Variants in MAP7 observed in about 807,000 individuals in gnomAD.
MAP7 encodes the protein ensconsin.
A neutral mutation model predicts 94.8 loss-of-function variants in MAP7; 52 were observed. The observed-to-expected ratio is 0.55, with a 90% CI of 0.44 to 0.69. The LOEUF is 0.69. Ranked by LOEUF, MAP7 falls within the 30% of genes least tolerant of loss-of-function variation. The pLI is 0.00. For missense variants in MAP7, 940 were observed against 964.6 expected (o/e 0.97, Z 0.34); for synonymous variants, 350 against 357.0 (o/e 0.98, Z 0.22).
At chr6:136,470,218 A>G (rs907432719) in intron 1 of MAP7, among the ~76,000 whole-genome samples, 1 of 151,766 alleles carries the variant, frequency 6.6e-6, no homozygotes, top group African/African-American at 2.4e-5. Context: ...ACTTTTGGCT[A>G]CTAAGAGAGA....
At chr6:136,418,497 G>A (rs538613678) in intron 2 of MAP7, among the ~76,000 whole-genome samples, 2 of 152,208 alleles carry the variant, frequency 1.3e-5, no homozygotes, top group Admixed American at 6.5e-5. Context: ...TTACAGGCGT[G>A]AGCCACCGGC....
intron 1 of MAP7, among the ~76,000 whole-genome samples, chr6:136,432,908 T>G (rs1477092809): frequency 6.6e-6 from 1 of 152,154 alleles, no homozygotes; most frequent in Non-Finnish European, 1.5e-5. Context: ...GGAAGTGTTT[T>G]TATTTATTTA....
intron 1 of MAP7, among the ~76,000 whole-genome samples, chr6:136,449,949 G>C (rs1800583200): frequency 6.6e-6 from 1 of 152,170 alleles, no homozygotes; most frequent in African/African-American, 2.4e-5. Context: ...AGCACTTTGG[G>C]AGGCCAAAGC....
chr6:136,536,018 T>C (rs971436561), intron 1 of MAP7, among the ~76,000 whole-genome samples: 2 of 152,190 alleles, frequency 1.3e-5, no homozygotes, highest in East Asian at 1.9e-4. Context: ...GTCCTGGCGA[T>C]AGTTTGTTGA....
intron 9 of MAP7, 60 bp from the exon 10 acceptor site, chr6:136,366,078 C>G: frequency 3.9e-6 from 6 of 1,520,160 alleles, no homozygotes; most frequent in Non-Finnish European, 4.4e-6. Context: ...CTTGCCAGAA[C>G]CTAGAACACG....
At chr6:136,410,551 A>T (rs1787119200) in intron 3 of MAP7, among the ~76,000 whole-genome samples, 1 of 152,216 alleles carries the variant, frequency 6.6e-6, no homozygotes, top group South Asian at 2.1e-4. Context: ...GCACAGAAAA[A>T]CAGCAGAGCA....
chr6:136,545,313 T>G (rs1397221731), intron 1 of MAP7: 2 of 137,918 alleles, frequency 1.5e-5, no homozygotes, highest in Admixed American at 1.5e-4. Context: ...CCCAAAGCAG[T>G]AAAAGAAAAA....
chr6:136,400,465 C>T (rs1158787598), intron 3 of MAP7, among the ~76,000 whole-genome samples: 2 of 150,150 alleles, frequency 1.3e-5, no homozygotes, highest in Admixed American at 1.3e-4. Context: ...TAAAAAAAGC[C>T]AGATGGACTA....
chr6:136,437,919 A>C (rs1295292353), intron 1 of MAP7, among the ~76,000 whole-genome samples: 1 of 152,204 alleles, frequency 6.6e-6, no homozygotes, highest in African/African-American at 2.4e-5. Flanking sequence ...TGACTACCTA[A>C]ATTCATGCTT....
chr6:136,442,405 C>CAA (rs549791806), intron 1 of MAP7, among the ~76,000 whole-genome samples: 14 of 90,626 alleles, frequency 1.5e-4, no homozygotes, highest in African/African-American at 3.4e-4. Context: ...ACTCTGTCTC[C>CAA]AAAAAAAAAA....
intron 1 of MAP7, among the ~76,000 whole-genome samples, chr6:136,520,512 T>C (rs1461084339): frequency 6.6e-6 from 1 of 152,202 alleles, no homozygotes; most frequent in African/African-American, 2.4e-5. Flanking sequence ...GAGTGAGTCC[T>C]GGCCCTTACA....
intron 1 of MAP7, among the ~76,000 whole-genome samples, chr6:136,546,214 C>T (rs1482555142): frequency 6.6e-6 from 1 of 151,836 alleles, no homozygotes; most frequent in African/African-American, 2.4e-5. Context: ...GGTTTTACCA[C>T]GTAACCCAGG....
chr6:136,391,580 A>AACC (rs1226969180), intron 3 of MAP7, among the ~76,000 whole-genome samples: 1 of 151,606 alleles, frequency 6.6e-6, no homozygotes, highest in Non-Finnish European at 1.5e-5. Context: ...CAACAACAAC[A>AACC]ACAACCAAAC....
At chr6:136,405,312 AG>A (rs1785259440) in intron 3 of MAP7, among the ~76,000 whole-genome samples, 1 of 152,250 alleles carries the variant, frequency 6.6e-6, no homozygotes, top group Admixed American at 6.5e-5. Context: ...AGATGTTGAC[AG>A]AGCTAGGGAG....
At position 136,431,804 on chromosome 6, in the gene MAP7, C is replaced by T. The variant is rs975662170; in HGVS notation, c.68-10005G>A. Among the ~76,000 whole-genome samples the T allele has an allele frequency of 3.0e-4, 45 of 152,200 alleles. 1 individual carries two copies. Among genetic ancestry groups the T allele is most frequent in the African/African-American group, 9.9e-4 (41 of 41,454 alleles). On this transcript the variant is annotated intron_variant, in intron 1 of 17. Coordinates refer to ENST00000354570, the MANE Select transcript of MAP7 (RefSeq NM_003980.6). ...GAGTGATGGGATTACAGGCGTGAGC[C>T]ACTGTGCCCGGCCTTGATGCTTCTT...
rs916805339 is a variant in MAP7, at chr6:136,550,235, G to A, written c.67+107C>T. 1.9e-5 allele frequency: 19 copies of A among 996,786 alleles called. No homozygotes were observed. The African/African-American group carries it at 3.3e-4, about 17-fold the overall frequency. The allele number at this position is 996,786 out of a possible 1,614,324, so 61.7% of individuals were successfully genotyped here. ...CGGTTGTTCCGGGCCGCGGCCGCGC[G>A]GGCGGGGAGGGGGCTGCCGGCGCCG... On this transcript the variant is annotated intron_variant, in intron 1 of 17. Coordinates refer to ENST00000354570, the MANE Select transcript of MAP7 (RefSeq NM_003980.6). The surrounding 1 kb of genome is among the most constrained non-coding windows in gnomAD (Gnocchi z 5.1).
intron 2 of MAP7, among the ~76,000 whole-genome samples, chr6:136,416,130 G>A (rs1264200485): frequency 6.6e-6 from 1 of 152,218 alleles, no homozygotes; most frequent in Admixed American, 6.5e-5. Context: ...CTTCCCTGCT[G>A]CATTCTCAAT....
chr6:136,481,871 C>G (rs1181659331), intron 1 of MAP7, among the ~76,000 whole-genome samples: 1 of 152,068 alleles, frequency 6.6e-6, no homozygotes, highest in Non-Finnish European at 1.5e-5. Context: ...ATTTCACATA[C>G]CCCATAAATA....
chr6:136,535,382 C>G (rs1828797564), intron 1 of MAP7, among the ~76,000 whole-genome samples: 1 of 152,122 alleles, frequency 6.6e-6, no homozygotes, highest in Admixed American at 6.5e-5. Flanking sequence ...GATCCCTGAG[C>G]CAATTAAACC....
Sources: allele counts gnomAD v4.1 joint callset (sites outside exome capture counted in the v4.1 genomes callset), GRCh38; gene constraint gnomAD v4.1.1; non-coding constraint Gnocchi (gnomAD v3.1); transcripts MANE v1.5; gene names NCBI Gene and HGNC (gene_info 2026-07-23, HGNC 2026-07-21).